The following IGSF21 variants were observed in gnomAD, a reference collection of about 807,000 sequenced individuals.
IGSF21 encodes the protein immunoglobulin superfamily member 21.
Under a neutral mutation model 46.8 loss-of-function variants are expected in IGSF21, and 28 were observed. That is an observed-to-expected ratio of 0.60 (90% confidence interval 0.44 to 0.82). The LOEUF (loss-of-function observed/expected upper bound fraction) is 0.82, where lower values mean the gene tolerates loss of function less well. Among genes scored for constraint, IGSF21 ranks in the 40% least tolerant of loss-of-function variants. IGSF21 has a pLI of 0.00. For synonymous variants in IGSF21, 284 were observed against 273.6 expected (o/e 1.04, Z -0.38); for missense variants, 624 against 665.5 (o/e 0.94, Z 0.69).
intron 4 of IGSF21, among the ~76,000 whole-genome samples, chr1:18,344,647 G>A (rs527849519): frequency 2.1e-4 from 32 of 152,178 alleles, no homozygotes; most frequent in Admixed American, 2.6e-4. Flanking sequence ...AAGCAAAGCC[G>A]CCATACAATG....
chr1:18,190,346 T>G (rs978116367), intron 1 of IGSF21, among the ~76,000 whole-genome samples: 3 of 152,196 alleles, frequency 2.0e-5, no homozygotes, highest in African/African-American at 7.2e-5. Context: ...TAAGCATAGT[T>G]GTCCCTCTGC....
chr1:18,311,213 A>G (rs2085485506), intron 3 of IGSF21, among the ~76,000 whole-genome samples: 1 of 151,970 alleles, frequency 6.6e-6, no homozygotes. Context: ...CCCACTCTTG[A>G]CCCAGCTGCA....
At chr1:18,357,960 T>C (rs951658584) in intron 4 of IGSF21, among the ~76,000 whole-genome samples, 1 of 152,098 alleles carries the variant, frequency 6.6e-6, no homozygotes, top group Admixed American at 6.5e-5. Flanking sequence ...ATTGCTAATA[T>C]AACGAGGGAT....
In IGSF21 at chr1:18,160,201, C is replaced by T. The variant is rs1220626229; in HGVS notation, c.70+52003C>T. ...CGAACTAGTTTAAGAAGAGTTATAA[C>T]CAGATAGAAAAGCCTCACTGGTCTC... On this transcript the variant is annotated intron_variant, in intron 1 of 9. Transcript: ENST00000251296. Among the ~76,000 whole-genome samples the T allele has an allele frequency of 2.6e-5, 4 of 152,158 alleles. No homozygotes were observed. In the South Asian group the frequency reaches 6.2e-4, roughly 24 times the overall value.
In IGSF21 at chr1:18,377,007, A is replaced by G. The variant is rs369391534; in HGVS notation, c.1294+15A>G. The G allele has an allele frequency of 2.6e-5, 41 of 1,575,964 alleles. No individual in the cohort carries two copies. The African/African-American group carries it at 4.3e-4, about 17-fold the overall frequency. ...CATCGTGTTTGGTATGGCGCGCTCAACTGGGGACTGGGAGAACAACCACAG... is the reference window on the plus strand; with the variant it reads ...CATCGTGTTTGGTATGGCGCGCTCAGCTGGGGACTGGGAGAACAACCACAG... On this transcript the variant is annotated intron_variant, in intron 8 of 9. Transcript: ENST00000251296.
chr1:18,370,379 C>T (rs932460996), intron 6 of IGSF21, among the ~76,000 whole-genome samples: 1 of 152,046 alleles, frequency 6.6e-6, no homozygotes, highest in Non-Finnish European at 1.5e-5. Flanking sequence ...TAAAAAATGA[C>T]CCTGAAACAA....
chr1:18,314,712 CT>C, intron 3 of IGSF21, among the ~76,000 whole-genome samples: 1 of 152,314 alleles, frequency 6.6e-6, no homozygotes, highest in South Asian at 2.1e-4. Flanking sequence ...GTCTTCATCA[CT>C]GTGCTACCCT....
At chr1:18,135,458 G>C (rs1294768383) in intron 1 of IGSF21, among the ~76,000 whole-genome samples, 1 of 132,240 alleles carries the variant, frequency 7.6e-6, no homozygotes, top group Admixed American at 9.6e-5. Flanking sequence ...TCCCCTTCCT[G>C]TGTCCATGTG....
rs10601446 is a variant in IGSF21 at position 18,208,548 on chromosome 1, A to ATTTTTTTTTTTTTTTTT, written c.71-19344_71-19328dup. Among the ~76,000 whole-genome samples, 2 of 85,852 alleles carry ATTTTTTTTTTTTTTTTT rather than the reference A, an allele frequency of 2.3e-5. 1 individual carries two copies. The highest frequency in any genetic ancestry group is 4.4e-5 in the Non-Finnish European group (2 of 44,958). 56.3% of individuals were successfully genotyped at this position (85,852 alleles called of 152,430 possible). A position where few individuals can be genotyped will look rare whatever the true frequency, so the allele number is the denominator to read the frequency against. ...AGGAGCCCACCATCAAGCCCAGCTA[A>ATTTTTTTTTTTTTTTTT]TTTTTTTTTTTTTTTTTTTTTTGTA... On this transcript the variant is annotated intron_variant, in intron 1 of 9. Coordinates refer to ENST00000251296, the MANE Select transcript of IGSF21 (RefSeq NM_032880.5).
intron 1 of IGSF21, among the ~76,000 whole-genome samples, chr1:18,202,219 T>C (rs2087082561): frequency 6.6e-6 from 1 of 152,232 alleles, no homozygotes; most frequent in African/African-American, 2.4e-5. Flanking sequence ...AAGCCTGTTA[T>C]AGTCCTCCAT....
At chr1:18,254,374 C>G (rs1226210423) in intron 2 of IGSF21, among the ~76,000 whole-genome samples, 1 of 152,060 alleles carries the variant, frequency 6.6e-6, no homozygotes, top group Non-Finnish European at 1.5e-5. Context: ...AACCCTAACC[C>G]TAACCCTAAC....
At chr1:18,229,557 C>A (rs906099962) in intron 2 of IGSF21, among the ~76,000 whole-genome samples, 1 of 152,222 alleles carries the variant, frequency 6.6e-6, no homozygotes, top group African/African-American at 2.4e-5. Flanking sequence ...TCTATTTCAG[C>A]ATTGCAGTCT....
At chr1:18,372,940 T>C (rs1032855778) in intron 6 of IGSF21, among the ~76,000 whole-genome samples, 6 of 152,010 alleles carry the variant, frequency 3.9e-5, no homozygotes, top group Admixed American at 3.9e-4. Context: ...CCAGAATTCC[T>C]AGGGGAAACT....
chr1:18,122,930 T>C lies in IGSF21; in HGVS notation c.70+14732T>C, dbSNP rs1570244649. ...GCATGAGCCACCGCACCCAGCCAGA[T>C]TTTTTATTAATTCATATTAAGATAA... On this transcript the variant is annotated intron_variant, in intron 1 of 9. Transcript: ENST00000251296. Among the ~76,000 whole-genome samples, 4 of 136,452 alleles carry C rather than the reference T, an allele frequency of 2.9e-5. 1 individual carries two copies. In the South Asian group the frequency reaches 9.0e-4, roughly 31 times the overall value. The allele number at this position is 136,452 out of a possible 152,430, so 89.5% of individuals were successfully genotyped here.
chr1:18,310,715 G>A (rs2085480882), intron 3 of IGSF21, among the ~76,000 whole-genome samples: 1 of 152,308 alleles, frequency 6.6e-6, no homozygotes, highest in East Asian at 1.9e-4. Context: ...CAACAGAACT[G>A]TATTCTCTCA....
intron 5 of IGSF21, among the ~76,000 whole-genome samples, chr1:18,363,121 C>T (rs75041629): frequency 6.6e-5 from 10 of 152,270 alleles, no homozygotes; most frequent in Non-Finnish European, 1.2e-4. Context: ...CTGTAGAACC[C>T]GTAGGCTTCC....
chr1:18,144,563 C>T (rs911893251), intron 1 of IGSF21, among the ~76,000 whole-genome samples: 1 of 152,130 alleles, frequency 6.6e-6, no homozygotes, highest in East Asian at 1.9e-4. Context: ...GCACCTAGGT[C>T]CAGTCCTCCA....
At chr1:18,366,982 G>A (rs914081011) in intron 6 of IGSF21, among the ~76,000 whole-genome samples, 1 of 152,170 alleles carries the variant, frequency 6.6e-6, no homozygotes, top group Non-Finnish European at 1.5e-5. Context: ...GGCAGGGGAT[G>A]GGCACGATGA....
At chr1:18,300,695 A>G (rs1468440762) in intron 3 of IGSF21, among the ~76,000 whole-genome samples, 1 of 152,242 alleles carries the variant, frequency 6.6e-6, no homozygotes, top group African/African-American at 2.4e-5. Context: ...GAAGGCCAGG[A>G]GCAAGATGCT....
Sources: gnomAD v4.1 joint callset for allele counts (sites outside exome capture counted in the v4.1 genomes callset) on GRCh38, gnomAD v4.1.1 for gene constraint, MANE v1.5 for transcripts, NCBI Gene and HGNC (gene_info 2026-07-23, HGNC 2026-07-21) for gene names.